FUT9: variants seen among roughly 807,000 people sequenced by gnomAD.
FUT9 encodes fucosyltransferase 9, also known as 4-galactosyl-N-acetylglucosaminide 3-alpha-L-fucosyltransferase 9.
In FUT9, 15 loss-of-function variants were observed where a neutral mutation model predicts 29.7. The observed-to-expected ratio is 0.51, with a 90% confidence interval of 0.34 to 0.78. The LOEUF (loss-of-function observed/expected upper bound fraction) is 0.78. Ranked by LOEUF, FUT9 falls within the 30% of genes least tolerant of loss-of-function variation. The pLI is 0.01. For missense variants in FUT9, 319 were observed against 425.4 expected (o/e 0.75, Z 2.20); for synonymous variants, 169 against 153.7 (o/e 1.10, Z -0.74).
chr6:96,081,801 A>G (rs1394936739), intron 1 of FUT9, among the ~76,000 whole-genome samples: 3 of 151,914 alleles, frequency 2.0e-5, no homozygotes, highest in Non-Finnish European at 4.4e-5. Context: ...GTTGAACATT[A>G]CACTTTCTCC....
chr6:96,134,471 T>A (rs1182571731), intron 2 of FUT9, among the ~76,000 whole-genome samples: 1 of 151,836 alleles, frequency 6.6e-6, no homozygotes, highest in African/African-American at 2.4e-5. Flanking sequence ...TATTTAGAAA[T>A]TGCAAACAAT....
In FUT9 at chr6:96,128,197, A is replaced by AT. The variant is rs559440145; in HGVS notation, c.-9+14074dup. 3.5e-4 allele frequency among the ~76,000 whole-genome samples: 54 copies of AT among 152,274 alleles called. No individual in the cohort carries two copies. In the South Asian group the frequency reaches 0.011, roughly 30 times the overall value. On this transcript the variant is annotated intron_variant, in intron 2 of 2. Transcript: ENST00000302103. ...AAAAAAGATACTATAAACAAAATTAATTTTGTCTTTAAATTTAAAAATCTG... is the reference window on the plus strand; with the variant it reads ...AAAAAAGATACTATAAACAAAATTAATTTTTGTCTTTAAATTTAAAAATCTG...
Position 96,081,078 on chromosome 6 carries a change from T to C in FUT9, c.-97-32961T>C, listed in dbSNP as rs140029597. The stretch of plus-strand genomic sequence containing the variant: ...CTCTCCATCTCCATTGCTAAAATCC[T>C]ATTCACACTAGGATTTATTTTTACT... On this transcript the variant is annotated intron_variant, in intron 1 of 2. Coordinates refer to ENST00000302103, the MANE Select transcript of FUT9 (RefSeq NM_006581.4). Among the ~76,000 whole-genome samples the C allele has an allele frequency of 2.5e-4, 38 of 152,012 alleles. No homozygotes were observed. The East Asian group carries it at 7.3e-3, about 29-fold the overall frequency.
chr6:96,021,663 G>T (rs1467646495), intron 1 of FUT9, among the ~76,000 whole-genome samples: 4 of 151,964 alleles, frequency 2.6e-5, no homozygotes, highest in African/African-American at 4.8e-5. Flanking sequence ...TTCAGTGATA[G>T]AAAAGGAAGA....
At chr6:96,051,973 C>T (rs1007312680) in intron 1 of FUT9, among the ~76,000 whole-genome samples, 20 of 152,022 alleles carry the variant, frequency 1.3e-4, no homozygotes, top group African/African-American at 4.6e-4. Context: ...TTAGTTCCTT[C>T]TTAAGCTGCT....
chr6:96,081,651 T>C (rs943712975), intron 1 of FUT9, among the ~76,000 whole-genome samples: 9 of 151,998 alleles, frequency 5.9e-5, no homozygotes, highest in Admixed American at 5.2e-4. Context: ...GGTAATAGTC[T>C]ATTGTAAGTA....
At chr6:96,023,750 G>C (rs1704459123) in intron 1 of FUT9, among the ~76,000 whole-genome samples, 1 of 151,894 alleles carries the variant, frequency 6.6e-6, no homozygotes, top group African/African-American at 2.4e-5. Context: ...TCATTACACT[G>C]TTTCACTGGT....
intron 1 of FUT9, among the ~76,000 whole-genome samples, chr6:96,095,148 C>G (rs186250115): frequency 2.1e-4 from 32 of 152,144 alleles, no homozygotes; most frequent in Admixed American, 4.6e-4. Context: ...CAATCACATG[C>G]CCATATATAC....
chr6:96,103,997 A>T (rs1330957282), intron 1 of FUT9, among the ~76,000 whole-genome samples: 1 of 152,238 alleles, frequency 6.6e-6, no homozygotes, highest in African/African-American at 2.4e-5. Flanking sequence ...AATGCACAAC[A>T]GGCGGCTAAT....
intron 1 of FUT9, among the ~76,000 whole-genome samples, chr6:96,026,447 A>C (rs997517287): frequency 6.6e-6 from 1 of 151,714 alleles, no homozygotes; most frequent in African/African-American, 2.4e-5. Flanking sequence ...AGGGCGTGTT[A>C]AAGAATTGGG....
At chr6:96,084,284 T>A (rs1165230004) in intron 1 of FUT9, among the ~76,000 whole-genome samples, 2 of 152,106 alleles carry the variant, frequency 1.3e-5, no homozygotes, top group South Asian at 4.1e-4. Flanking sequence ...AGAGAAGATC[T>A]TAAATTTCCT....
At chr6:96,115,996 C>T (rs1771904318) in intron 2 of FUT9, among the ~76,000 whole-genome samples, 1 of 152,036 alleles carries the variant, frequency 6.6e-6, no homozygotes, top group Non-Finnish European at 1.5e-5. Context: ...ATTGTTCCAT[C>T]AAACACATTC....
chr6:96,188,196 T>A (rs1045552437), intron 2 of FUT9, among the ~76,000 whole-genome samples: 5 of 152,154 alleles, frequency 3.3e-5, no homozygotes, highest in African/African-American at 1.2e-4. Context: ...TTTTCATTCA[T>A]ATAATTCATA....
intron 1 of FUT9, among the ~76,000 whole-genome samples, chr6:96,085,631 G>T (rs546524311): frequency 1.3e-5 from 2 of 152,192 alleles, no homozygotes; most frequent in East Asian, 3.9e-4. Flanking sequence ...AACCCCAGTG[G>T]ACTAGATGCA....
At chr6:96,200,888 G>A (rs147559222) in intron 2 of FUT9, among the ~76,000 whole-genome samples, 3 of 151,860 alleles carry the variant, frequency 2.0e-5, no homozygotes, top group African/African-American at 7.3e-5. Context: ...TTCCATAAAC[G>A]TACTCTTGAA....
At chr6:96,120,678 C>T (rs1352626753) in intron 2 of FUT9, among the ~76,000 whole-genome samples, 2 of 114,420 alleles carry the variant, frequency 1.7e-5, no homozygotes, top group Non-Finnish European at 3.4e-5. Context: ...AAAATATTTG[C>T]AGTTTTGACT....
intron 1 of FUT9, among the ~76,000 whole-genome samples, chr6:96,018,606 C>A (rs977162521): frequency 6.6e-6 from 1 of 151,884 alleles, no homozygotes. Flanking sequence ...TCTTATAATG[C>A]TCATAATTAT....
At position 96,203,208 on chromosome 6, in the gene FUT9, T is replaced by C; in HGVS notation, c.53T>C (p.Ile18Thr). 6.2e-7 allele frequency: 1 copy of C among 1,612,734 alleles called. No homozygotes were observed. Among genetic ancestry groups the C allele is most frequent in the Middle Eastern group, 1.7e-4 (1 of 6,052 alleles). Residue 18 changes from isoleucine (I) to threonine (T), a missense_variant, in exon 3 of 3, where the codon ATC (isoleucine) becomes ACC (threonine). Physicochemically the swap from Ile to Thr is moderately conservative, Grantham distance 89. Transcript: ENST00000302103. ...CGCCCATTTTTAATTGTCTGCATTA[T>C]CCTGGGCTGTTTCATGGCATGTCTT... is the stretch of plus-strand genomic sequence containing the variant. ...ILRPFLIVCI[I>T]LGCFMACLLI... is the part of the protein sequence containing the mutation.
chr6:96,134,457 C>T (rs1772310534), intron 2 of FUT9, among the ~76,000 whole-genome samples: 2 of 151,842 alleles, frequency 1.3e-5, no homozygotes, highest in South Asian at 2.1e-4. Flanking sequence ...TATCTAATAT[C>T]TGATATTTAG....
Sources: gnomAD v4.1 joint callset for allele counts (sites outside exome capture counted in the v4.1 genomes callset) on GRCh38, gnomAD v4.1.1 for gene constraint, MANE v1.5 for transcripts, NCBI Gene and HGNC (gene_info 2026-07-23, HGNC 2026-07-21) for gene names.